Variants in GGT5 observed in about 807,000 individuals in gnomAD.
GGT5 encodes the protein glutathione hydrolase 5 proenzyme.
Under a neutral mutation model 58.1 loss-of-function variants are expected in GGT5, and 50 were observed. That is an observed-to-expected ratio of 0.86 (90% confidence interval 0.69 to 1.09). The LOEUF (loss-of-function observed/expected upper bound fraction) is 1.09, where lower values mean the gene tolerates loss of function less well. Ranked by LOEUF, GGT5 falls within the 50% of genes least tolerant of loss-of-function variation. The pLI is 0.00. For missense variants in GGT5, 800 were observed against 789.4 expected, an observed-to-expected ratio of 1.01 and a Z score of -0.16; for synonymous variants, 370 against 346.1, an observed-to-expected ratio of 1.07 and a Z score of -0.77.
At chr22:24,234,585 C>T (rs768869863) in intron 1 of GGT5, among the ~76,000 whole-genome samples, 4 of 152,100 alleles carry the variant, frequency 2.6e-5, no homozygotes, top group South Asian at 2.1e-4. Flanking sequence ...TTTGGGAGGC[C>T]GAGGCGGATA....
intron 6 of GGT5, among the ~76,000 whole-genome samples, chr22:24,228,553 C>G (rs542542845): frequency 4.1e-4 from 62 of 151,940 alleles, no homozygotes; most frequent in African/African-American, 1.5e-3. Context: ...TGGGTTCACA[C>G]CATTCTCCTG....
intron 1 of GGT5, 121 bp from the exon 2 acceptor site, chr22:24,234,125 C>A (rs2275985): frequency 0.15 from 135,247 of 909,090 alleles, 11,382 homozygotes; most frequent in East Asian, 0.26. Flanking sequence ...GCCACCAAAC[C>A]GCAGATTAGG....
chr22:24,232,066 C>A lies in GGT5; in HGVS notation c.739G>T (p.Asp247Tyr), dbSNP rs377127629. The change falls in exon 5 of 12, where the codon GAC (aspartate) becomes TAC (tyrosine). Residue 247 changes from aspartate (D) to tyrosine (Y), a missense_variant. Coordinates refer to ENST00000327365, the MANE Select transcript of GGT5 (RefSeq NM_004121.5). Reference sequence around the variant, plus strand: ...GGAGGCTGACCTTCCTTGGCAATGTCCTCCACCAGCATCTGGCCCAGCCTC... The same window carrying A: ...GGAGGCTGACCTTCCTTGGCAATGTACTCCACCAGCATCTGGCCCAGCCTC... ...TGRLGQMLVE[D>Y]IAKEGSQLTL... is the part of the protein sequence containing the mutation. 8 of 1,613,396 alleles carry A rather than the reference C, an allele frequency of 5.0e-6. No homozygotes were observed. Among genetic ancestry groups the A allele is most frequent in the Non-Finnish European group, 6.8e-6 (8 of 1,179,688 alleles).
At chr22:24,238,775 AT>A (rs1385939022) in intron 1 of GGT5, among the ~76,000 whole-genome samples, 1 of 29,236 alleles carries the variant, frequency 3.4e-5, no homozygotes, top group Non-Finnish European at 5.4e-5. Flanking sequence ...ATATATATAT[AT>A]ATAATATATA....
In GGT5 at chr22:24,232,896, C is replaced by A; in HGVS notation, c.523G>T (p.Val175Leu). Residue 175 changes from valine to leucine, a missense_variant, in exon 4 of 12, where the codon GTG becomes TTG. Val to Leu is a conservative substitution (Grantham distance 32, BLOSUM62 1). Transcript: ENST00000327365. ...PTIALLRGGH[V>L]VAPVLSRFLH... ...AAACGGCTGAGGACAGGGGCCACCA[C>A]ATGCCCCCCTCGGAGCAGCGCGATG... The A allele has an allele frequency of 6.3e-7, 1 of 1,585,500 alleles. No homozygotes were observed. Among genetic ancestry groups the A allele is most frequent in the Non-Finnish European group, 8.6e-7 (1 of 1,165,396 alleles).
chr22:24,239,851 G>A (rs576523989), intron 1 of GGT5, among the ~76,000 whole-genome samples: 3 of 151,768 alleles, frequency 2.0e-5, no homozygotes, highest in South Asian at 4.2e-4. Context: ...GGACGCCGAG[G>A]TAAGCAGATC....
rs1273239063 is a variant in GGT5, at chr22:24,228,048, C to CAAAAAAAAAAAAAAAAAAAAAA, written c.902-1282_902-1281insTTTTTTTTTTTTTTTTTTTTTT. Among the ~76,000 whole-genome samples, 12 of 22,066 alleles carry CAAAAAAAAAAAAAAAAAAAAAA rather than the reference C, an allele frequency of 5.4e-4. 2 individuals are homozygous for CAAAAAAAAAAAAAAAAAAAAAA. The highest frequency in any genetic ancestry group is 8.0e-4 in the Non-Finnish European group (9 of 11,204). The allele number at this position is 22,066 out of a possible 152,430, so 14.5% of individuals were successfully genotyped here. A position where few individuals can be genotyped will look rare whatever the true frequency, so the allele number is the denominator to read the frequency against. ...TAGTAAACAGAGCAAGACTCTGTCT[C>CAAAAAAAAAAAAAAAAAAAAAA]AAAAAAAAAAAAAAAAAACAAAACA... On this transcript the variant is annotated intron_variant, in intron 6 of 11. Transcript: ENST00000327365.
Position 24,233,490 on chromosome 22 carries a change from G to A in GGT5, c.400+8C>T. On this transcript the variant is annotated splice_region_variant and intron_variant, in intron 3 of 11. Coordinates refer to ENST00000327365, the MANE Select transcript of GGT5 (RefSeq NM_004121.5). Reference sequence around the variant, plus strand: ...GGGTGGGAGTGGGGGACCTCCATGGGGCGTCACCTGTGCCCAGTGGCAGAG... The same window carrying A: ...GGGTGGGAGTGGGGGACCTCCATGGAGCGTCACCTGTGCCCAGTGGCAGAG... 1 of 1,562,314 alleles carries A rather than the reference G, an allele frequency of 6.4e-7. No homozygotes were observed. The highest frequency in any genetic ancestry group is 8.7e-7 in the Non-Finnish European group (1 of 1,143,478).
Position 24,244,880 on chromosome 22 carries a change from C to T in GGT5, c.-155G>A. On this transcript the variant is annotated 5_prime_UTR_variant, in exon 1 of 12. Coordinates refer to ENST00000327365, the MANE Select transcript of GGT5 (RefSeq NM_004121.5). ...GAAGACAGACACGAAGATGGATCGA[C>T]AGATAGGCCAGATAGCTAGACAAAG... The T allele has an allele frequency of 7.8e-7, 1 of 1,281,248 alleles. No individual in the cohort carries two copies. Among genetic ancestry groups the T allele is most frequent in the Non-Finnish European group, 1.0e-6 (1 of 959,852 alleles). 79.4% of individuals were successfully genotyped at this position (1,281,248 alleles called of 1,614,324 possible).
In GGT5 at chr22:24,219,669, C is replaced by T; in HGVS notation, c.*301G>A. 5.9e-6 allele frequency: 2 copies of T among 340,758 alleles called. No homozygotes were observed. The highest frequency in any genetic ancestry group is 1.1e-5 in the Non-Finnish European group (2 of 183,824). 21.1% of individuals were successfully genotyped at this position (340,758 alleles called of 1,614,324 possible). A position where few individuals can be genotyped will look rare whatever the true frequency, so the allele number is the denominator to read the frequency against. On this transcript the variant is annotated 3_prime_UTR_variant, in exon 12 of 12. Coordinates refer to ENST00000327365, the MANE Select transcript of GGT5 (RefSeq NM_004121.5). ...AACCATGGAATCAGGCCACAGTCCG[C>T]CTCTTTAATCTTGGACTGGAGGATA...
At position 24,232,107 on chromosome 22, in the gene GGT5, TC is replaced by T; in HGVS notation, c.697del (p.Glu233ArgfsTer23). 1 of 1,612,460 alleles carries T rather than the reference TC, an allele frequency of 6.2e-7. No homozygotes were observed. The highest frequency in any genetic ancestry group is 8.5e-7 in the Non-Finnish European group (1 of 1,179,102). ...GCCCAGCCTCCCCGTGTAGAAGACC[TC>T]CACGCCCTCTGTGGCCACGGTCTCC... ...TLETVATEGVEVFYTGRLGQM... is the reference protein window; with the variant it reads ...TLETVATEGVXVFYTGRLGQM... On this transcript the variant is annotated frameshift_variant, in exon 5 of 12. Coordinates refer to ENST00000327365, the MANE Select transcript of GGT5 (RefSeq NM_004121.5). LOFTEE classifies it high-confidence loss of function.
intron 11 of GGT5, among the ~76,000 whole-genome samples, chr22:24,224,566 A>G (rs1321904256): frequency 6.6e-6 from 1 of 152,100 alleles, no homozygotes; most frequent in Non-Finnish European, 1.5e-5. Flanking sequence ...CCAATGCCCT[A>G]GTGCCCCAGA....
At position 24,225,245 on chromosome 22, in the gene GGT5, C is replaced by T. The variant is rs1601378814; in HGVS notation, c.1503G>A (p.Gln501=). 5 of 1,613,262 alleles carry T rather than the reference C, an allele frequency of 3.1e-6. No homozygotes were observed. The East Asian group carries it at 6.7e-5, about 22-fold the overall frequency. Residue 501 remains glutamine, a splice_region_variant and synonymous_variant, in exon 10 of 12, where the codon CAG becomes CAA. Transcript: ENST00000327365. ...CTCGAGCCAGGAGCCCCAGACTCAC[C>T]TGGGCCACAGCAGAGATGATGAGCT... ...GGELIISAVA[Q]AIMSKLWLGF...
At position 24,231,517 on chromosome 22, in the gene GGT5, C is replaced by G; in HGVS notation, c.768G>C (p.Thr256=). 6.3e-7 allele frequency: 1 copy of G among 1,590,564 alleles called. No homozygotes were observed. Among genetic ancestry groups the G allele is most frequent in the Non-Finnish European group, 8.6e-7 (1 of 1,168,550 alleles). The part of the protein sequence containing the change: ...EDIAKEGSQL[T]LQDLAKFQPE... ...GCTGGAACTTGGCCAGGTCCTGCAG[C>G]GTCAGCTGGCTCCCTGGGATGAGAA... Residue 256 remains threonine (T), a synonymous_variant, in exon 6 of 12, where the codon ACG becomes ACC. Transcript: ENST00000327365.
chr22:24,223,026 CT>C (rs1393082433), intron 11 of GGT5, among the ~76,000 whole-genome samples: 1 of 151,662 alleles, frequency 6.6e-6, no homozygotes, highest in African/African-American at 2.4e-5. Context: ...GGAGGCAGAG[CT>C]TGCAGTGAGC....
chr22:24,223,990 T>A (rs2148888070), intron 11 of GGT5, among the ~76,000 whole-genome samples: 1 of 151,936 alleles, frequency 6.6e-6, no homozygotes, highest in South Asian at 2.1e-4. Context: ...CTGGAAGTCC[T>A]GACCTCAGGT....
At chr22:24,231,757 T>C (rs1236846388) in intron 5 of GGT5, among the ~76,000 whole-genome samples, 1 of 151,824 alleles carries the variant, frequency 6.6e-6, no homozygotes, top group African/African-American at 2.4e-5. Flanking sequence ...AAAGGGAAGA[T>C]GGGAGAGGGA....
chr22:24,238,931 TATTATATAATATATATATATATATATA>T lies in GGT5; in HGVS notation c.174-4954_174-4928del, dbSNP rs2048242845. ...TTATATATATTATATATATAATATA[TATTATATAATATATATATATATATATA>T]ATATATATATAGCCCATGACACAGT... On this transcript the variant is annotated intron_variant, in intron 1 of 11. Coordinates refer to ENST00000327365, the MANE Select transcript of GGT5 (RefSeq NM_004121.5). Among the ~76,000 whole-genome samples, 2 of 26,942 alleles carry T rather than the reference TATTATATAATATATATATATATATATA, an allele frequency of 7.4e-5. 1 individual carries two copies. Among genetic ancestry groups the T allele is most frequent in the Non-Finnish European group, 1.2e-4 (2 of 17,010 alleles). 17.7% of individuals were successfully genotyped at this position (26,942 alleles called of 152,430 possible).
chr22:24,227,661 A>G (rs1176216019), intron 6 of GGT5, among the ~76,000 whole-genome samples: 5 of 152,164 alleles, frequency 3.3e-5, no homozygotes, highest in African/African-American at 4.8e-5. Flanking sequence ...GACACACAGC[A>G]GAGGAGAAAC....
Sources: allele counts gnomAD v4.1 joint callset (sites outside exome capture counted in the v4.1 genomes callset), GRCh38; gene constraint gnomAD v4.1.1; transcripts MANE v1.5; gene names NCBI Gene and HGNC (gene_info 2026-07-23, HGNC 2026-07-21).